NRXN1: variants seen among roughly 807,000 people sequenced by gnomAD.
The protein encoded by NRXN1 is neurexin-1.
Under a neutral mutation model 150.9 loss-of-function variants are expected in NRXN1, and 39 were observed. The ratio of observed to expected loss-of-function variants is 0.26; its 90% CI spans 0.20 to 0.34. NRXN1 has a LOEUF of 0.34. Among genes scored for constraint, NRXN1 ranks in the 10% least tolerant of loss-of-function variants. The pLI is 1.00. For synonymous variants in NRXN1, 924 were observed against 757.0 expected (o/e 1.22, Z -3.62); for missense variants, 1,815 against 1,949.9 (o/e 0.93, Z 1.30).
At chr2:50,116,154 T>A (rs534884238) in intron 18 of NRXN1, among the ~76,000 whole-genome samples, 13,475 of 152,050 alleles carry the variant, frequency 0.089, 692 homozygotes, top group Middle Eastern at 0.16. Flanking sequence ...TAGCCGGAGT[T>A]TTTTTAAAGA....
chr2:50,916,468 G>C (rs1685227822), intron 5 of NRXN1, among the ~76,000 whole-genome samples: 1 of 150,900 alleles, frequency 6.6e-6, no homozygotes, highest in Non-Finnish European at 1.5e-5. Context: ...TAAAAGTGTT[G>C]ATGGTTGTTA....
Position 50,347,621 on chromosome 2 carries a change from C to T in NRXN1, c.3365-110651G>A. 1 of 1,004,164 alleles carries T rather than the reference C, an allele frequency of 1.0e-6. No individual in the cohort carries two copies. The highest frequency in any genetic ancestry group is 4.1e-5 in the South Asian group (1 of 24,684). The allele number at this position is 1,004,164 out of a possible 1,614,324, so 62.2% of individuals were successfully genotyped here. The stretch of plus-strand genomic sequence containing the variant: ...TCCGCCGCCTCCTGACACTTACGCC[C>T]GGCGAGGGGTTCAGAGGGAAGAGTG... On this transcript the variant is annotated intron_variant, in intron 17 of 22. Coordinates refer to ENST00000401669, the MANE Select transcript of NRXN1 (RefSeq NM_001330078.2). This position sits in a 1 kb window ranked among gnomAD's most constrained non-coding sequence, Gnocchi z 4.9.
chr2:50,513,466 T>A (rs1472851535), intron 12 of NRXN1, among the ~76,000 whole-genome samples: 1 of 152,208 alleles, frequency 6.6e-6, no homozygotes, highest in Non-Finnish European at 1.5e-5. Context: ...TGTGTTTGGT[T>A]ATTTAATTCC....
intron 21 of NRXN1, among the ~76,000 whole-genome samples, chr2:50,013,927 A>T (rs78064388): frequency 0.07 from 10,705 of 152,162 alleles, 475 homozygotes; most frequent in Middle Eastern, 0.16. Flanking sequence ...TAATGACGGA[A>T]TGCTAAAGCT....
chr2:50,984,301 A>T (rs915524151), intron 2 of NRXN1, among the ~76,000 whole-genome samples: 1 of 151,730 alleles, frequency 6.6e-6, no homozygotes, highest in African/African-American at 2.4e-5. Flanking sequence ...TAGGCTGCCC[A>T]GTCCTGTTTT....
At chr2:50,153,724 A>C (rs2058841174) in intron 18 of NRXN1, among the ~76,000 whole-genome samples, 1 of 151,846 alleles carries the variant, frequency 6.6e-6, no homozygotes, top group Non-Finnish European at 1.5e-5. Flanking sequence ...AAGAAGAAAA[A>C]TAAAGTGTGT....
chr2:50,132,119 C>T (rs1325325632), intron 18 of NRXN1, among the ~76,000 whole-genome samples: 1 of 152,084 alleles, frequency 6.6e-6, no homozygotes, highest in Admixed American at 6.5e-5. Flanking sequence ...GTATTTTGCT[C>T]TGGCAAAGTG....
intron 18 of NRXN1, among the ~76,000 whole-genome samples, chr2:50,165,743 T>C (rs942191244): frequency 8.5e-5 from 13 of 152,324 alleles, no homozygotes; most frequent in African/African-American, 2.9e-4. Context: ...GCTTTTATGA[T>C]GAACAAATCG....
chr2:50,830,497 A>G (rs1481242260), intron 5 of NRXN1, among the ~76,000 whole-genome samples: 1 of 151,840 alleles, frequency 6.6e-6, no homozygotes, highest in African/African-American at 2.4e-5. Flanking sequence ...AAAAAAAAAA[A>G]AGTTCAAAAA....
intron 17 of NRXN1, 55 bp from the exon 18 acceptor site, chr2:50,237,025 G>T: frequency 6.5e-7 from 1 of 1,531,580 alleles, no homozygotes; most frequent in South Asian, 1.1e-5. Context: ...CTGCACATTA[G>T]CAAGGCATGT....
chr2:50,620,919 C>CA (rs1679895966), intron 7 of NRXN1: 1 of 187,898 alleles, frequency 5.3e-6, no homozygotes, highest in African/African-American at 1.7e-4. Context: ...ACTGGCTGAG[C>CA]TGCGGTCACT....
At chr2:50,741,264 TAATA>T (rs139373629) in intron 5 of NRXN1, among the ~76,000 whole-genome samples, 13,535 of 152,212 alleles carry the variant, frequency 0.089, 676 homozygotes, top group Middle Eastern at 0.12. Context: ...TTGGATCTAT[TAATA>T]AATATCTATT....
intron 2 of NRXN1, among the ~76,000 whole-genome samples, chr2:50,968,885 C>G (rs180844668): frequency 1.1e-3 from 164 of 152,154 alleles, no homozygotes; most frequent in African/African-American, 3.9e-3. Flanking sequence ...ACTCATATCA[C>G]TCTTCTGCTT....
chr2:50,270,044 G>A (rs920360050), intron 17 of NRXN1, among the ~76,000 whole-genome samples: 14 of 152,150 alleles, frequency 9.2e-5, no homozygotes, highest in Admixed American at 5.2e-4. Flanking sequence ...TATCCCCTCC[G>A]TTTCTGACCA....
At chr2:50,377,157 CAT>C (rs1439246379) in intron 17 of NRXN1, among the ~76,000 whole-genome samples, 4 of 152,004 alleles carry the variant, frequency 2.6e-5, no homozygotes, top group African/African-American at 9.7e-5. Flanking sequence ...TGAAGGCAAA[CAT>C]GTGCGATGGT....
At chr2:49,996,763 C>T (rs1262926514) in intron 21 of NRXN1, among the ~76,000 whole-genome samples, 1 of 152,152 alleles carries the variant, frequency 6.6e-6, no homozygotes, top group African/African-American at 2.4e-5. Context: ...AATGCAGCTG[C>T]CCTGCCCATC....
intron 19 of NRXN1, among the ~76,000 whole-genome samples, chr2:50,083,038 A>C (rs114390829): frequency 0.014 from 2,142 of 152,306 alleles, 53 homozygotes; most frequent in African/African-American, 0.049. Context: ...GGTTTCACTG[A>C]GCTTTCAGAA....
At chr2:50,222,982 T>A (rs907143183) in intron 18 of NRXN1, among the ~76,000 whole-genome samples, 17 of 151,962 alleles carry the variant, frequency 1.1e-4, no homozygotes, top group Non-Finnish European at 2.2e-4. Context: ...TCAATACAAA[T>A]TTTTATGATT....
intron 17 of NRXN1, among the ~76,000 whole-genome samples, chr2:50,377,201 G>T (rs970529262): frequency 3.3e-5 from 5 of 151,958 alleles, no homozygotes; most frequent in Non-Finnish European, 7.4e-5. Context: ...CATCACCTAG[G>T]TATTAAGCCT....
Sources: gnomAD v4.1 joint callset for allele counts (sites outside exome capture counted in the v4.1 genomes callset) on GRCh38, gnomAD v4.1.1 for gene constraint, Gnocchi (gnomAD v3.1) non-coding constraint, MANE v1.5 for transcripts, NCBI Gene and HGNC (gene_info 2026-07-23, HGNC 2026-07-21) for gene names.